ZMAT2: variants seen among roughly 807,000 people sequenced by gnomAD.
ZMAT2 encodes the protein zinc finger matrin-type 2, also known as zinc finger matrin-type protein 2.
A neutral mutation model predicts 27.5 loss-of-function variants in ZMAT2; 5 were observed. That is an observed-to-expected ratio of 0.18 (90% CI 0.10 to 0.38). ZMAT2 has a LOEUF of 0.38. Ranked by LOEUF, ZMAT2 falls within the 10% of genes least tolerant of loss-of-function variation. The pLI is 1.00. For missense variants in ZMAT2, 124 were observed against 243.9 expected (o/e 0.51, Z 3.27); for synonymous variants, 76 against 78.6 (o/e 0.97, Z 0.17).
At chr5:140,705,216 C>CT (rs964483135) in intron 5 of ZMAT2, among the ~76,000 whole-genome samples, 4 of 151,880 alleles carry the variant, frequency 2.6e-5, no homozygotes, top group African/African-American at 9.7e-5. Flanking sequence ...AAAGACTAAA[C>CT]TTTTTTTAGA....
At chr5:140,703,871 A>C (rs1297474271) in intron 3 of ZMAT2, 47 bp from the exon 4 acceptor site, 1 of 1,566,110 alleles carries the variant, frequency 6.4e-7, no homozygotes, top group Non-Finnish European at 8.8e-7. Flanking sequence ...GAAAATGATA[A>C]GATCCTTAAA....
intron 5 of ZMAT2, 97 bp downstream of exon 5, chr5:140,704,668 C>A (rs1760022695): frequency 3.8e-6 from 5 of 1,331,948 alleles, no homozygotes; most frequent in Non-Finnish European, 5.1e-6. Flanking sequence ...CTCCCACCCC[C>A]AGAGTTGTAT....
chr5:140,700,695 T>A, intron 1 of ZMAT2, 124 bp from the exon 2 acceptor site: 1 of 1,305,020 alleles, frequency 7.7e-7, no homozygotes, highest in South Asian at 1.4e-5. Context: ...AGTCTTCTCG[T>A]ACAGTCCAAA....
rs766862085 is a variant in ZMAT2, at chr5:140,700,776, C to G, written c.19-43C>G. 6 of 1,603,660 alleles carry G rather than the reference C, an allele frequency of 3.7e-6. No homozygotes were observed. The South Asian group carries it at 6.6e-5, about 18-fold the overall frequency. ...GCGCGGTTCCCTGCTTCTCTAGGGG[C>G]CCAGACACGGCGACGGATCTTGACG... is the stretch of plus-strand genomic sequence containing the variant. On this transcript the variant is annotated intron_variant, in intron 1 of 5. Transcript: ENST00000274712.
rs1760048189 is a variant in ZMAT2, at chr5:140,705,835, C to G, written c.*79C>G. On this transcript the variant is annotated 3_prime_UTR_variant, in exon 6 of 6. Transcript: ENST00000274712. The stretch of plus-strand genomic sequence containing the variant: ...GTGTGTGTGTAGTAGGGGGTCATTT[C>G]TTTTTGGGTAATGGGAAAGTTCTTA... The G allele has an allele frequency of 6.5e-7, 1 of 1,537,414 alleles. No individual in the cohort carries two copies. The highest frequency in any genetic ancestry group is 2.3e-5 in the East Asian group (1 of 44,308).
intron 5 of ZMAT2, among the ~76,000 whole-genome samples, chr5:140,705,127 C>T (rs1760034295): frequency 6.6e-6 from 1 of 152,074 alleles, no homozygotes. Context: ...CAGTTTTTCA[C>T]CATTATAAAA....
At chr5:140,703,300 G>C (rs1209713607) in intron 3 of ZMAT2, among the ~76,000 whole-genome samples, 2 of 149,568 alleles carry the variant, frequency 1.3e-5, no homozygotes, top group African/African-American at 4.9e-5. Flanking sequence ...GAAATGCAAT[G>C]GTATGATCTC....
chr5:140,704,032 GT>G (rs752011347), intron 4 of ZMAT2, 41 bp downstream of exon 4: 28 of 1,582,276 alleles, frequency 1.8e-5, no homozygotes, highest in Non-Finnish European at 2.4e-5. Flanking sequence ...CTGGAATTGG[GT>G]TTTGGAGGTG....
chr5:140,702,292 A>C (rs1474092871), intron 3 of ZMAT2, among the ~76,000 whole-genome samples, 163 bp downstream of exon 3: 3 of 152,186 alleles, frequency 2.0e-5, no homozygotes, highest in Admixed American at 2.0e-4. Context: ...CAAGGTCTCA[A>C]GTTGACATGA....
Position 140,705,892 on chromosome 5 carries a change from G to A in ZMAT2, c.*136G>A, listed in dbSNP as rs1377229116. ...TCAATGGGGAGGGATAGAGGGTGGGGGCTCATGGTTTCCCTCTACTTTGGG... is the reference window on the plus strand; with the variant it reads ...TCAATGGGGAGGGATAGAGGGTGGGAGCTCATGGTTTCCCTCTACTTTGGG... On this transcript the variant is annotated 3_prime_UTR_variant, in exon 6 of 6. Transcript: ENST00000274712. 4.4e-6 allele frequency: 5 copies of A among 1,135,868 alleles called. No homozygotes were observed. The highest frequency in any genetic ancestry group is 1.6e-5 in the African/African-American group (1 of 64,234). The allele number at this position is 1,135,868 out of a possible 1,614,324, so 70.4% of individuals were successfully genotyped here.
intron 2 of ZMAT2, 112 bp downstream of exon 2, chr5:140,701,024 G>GTGC (rs141105731): frequency 0.011 from 11,417 of 1,027,156 alleles, 349 homozygotes; most frequent in African/African-American, 0.1. Flanking sequence ...CTCTGGCAGA[G>GTGC]TGCTGCTTCC....
chr5:140,704,678 T>G, intron 5 of ZMAT2, 107 bp downstream of exon 5: 1 of 1,174,430 alleles, frequency 8.5e-7, no homozygotes. Flanking sequence ...CAGAGTTGTA[T>G]CTCCTGAGTT....
In ZMAT2 at chr5:140,704,409, C is replaced by A; in HGVS notation, c.311-17C>A. The A allele has an allele frequency of 6.2e-7, 1 of 1,603,530 alleles. No homozygotes were observed. Among genetic ancestry groups the A allele is most frequent in the Non-Finnish European group, 8.5e-7 (1 of 1,175,642 alleles). On this transcript the variant is annotated splice_polypyrimidine_tract_variant and intron_variant, in intron 4 of 5. Transcript: ENST00000274712. ...TGTTGTAATGAACTTGCCTTCTTCA[C>A]TGTTGACCCTATGCAGATCAGAGAA...
At chr5:140,703,155 TTCCAAGCTCTC>T (rs1562071830) in intron 3 of ZMAT2, among the ~76,000 whole-genome samples, 2 of 152,152 alleles carry the variant, frequency 1.3e-5, no homozygotes, top group Non-Finnish European at 2.9e-5. Context: ...GAAGATCTGC[TTCCAAGCTCTC>T]TCACATGCCT....
intron 1 of ZMAT2, 95 bp from the exon 2 acceptor site, chr5:140,700,724 C>T: frequency 7.0e-7 from 1 of 1,419,390 alleles, no homozygotes; most frequent in Non-Finnish European, 9.7e-7. Flanking sequence ...GCTTTCAAAA[C>T]GTCCTGTAGA....
chr5:140,702,271 TC>T, intron 3 of ZMAT2, 142 bp downstream of exon 3: 1 of 1,153,382 alleles, frequency 8.7e-7, no homozygotes. Context: ...TATTTGTTTT[TC>T]TGTGTCTCCC....
rs1171663199 is a variant in ZMAT2, at chr5:140,706,086, C to T, written c.*330C>T. On this transcript the variant is annotated 3_prime_UTR_variant, in exon 6 of 6. Transcript: ENST00000274712. ...ATCTTTATCTCTTCATCTATCCCAC[C>T]TCTTGTCTGAACATCCCACCTTTAT... 1 of 251,060 alleles carries T rather than the reference C, an allele frequency of 4.0e-6. No individual in the cohort carries two copies. 15.6% of individuals were successfully genotyped at this position (251,060 alleles called of 1,614,324 possible). A position where few individuals can be genotyped will look rare whatever the true frequency, so the allele number is the denominator to read the frequency against.
intron 1 of ZMAT2, 108 bp from the exon 2 acceptor site, chr5:140,700,711 T>C: frequency 3.6e-6 from 5 of 1,379,114 alleles, no homozygotes; most frequent in Non-Finnish European, 5.0e-6. Context: ...CCAAAGAGGC[T>C]TTGCTTTCAA....
chr5:140,702,242 G>C, intron 3 of ZMAT2, 113 bp downstream of exon 3: 1 of 1,324,160 alleles, frequency 7.6e-7, no homozygotes, highest in Non-Finnish European at 1.0e-6. Flanking sequence ...CGTCCTTCTT[G>C]CCTGTAATTC....
Sources: gnomAD v4.1 joint callset for allele counts (sites outside exome capture counted in the v4.1 genomes callset) on GRCh38, gnomAD v4.1.1 for gene constraint, MANE v1.5 for transcripts, NCBI Gene and HGNC (gene_info 2026-07-23, HGNC 2026-07-21) for gene names.